TPST2: variants seen among roughly 807,000 people sequenced by gnomAD.
The protein encoded by TPST2 is protein-tyrosine sulfotransferase 2.
A neutral mutation model predicts 27.8 loss-of-function variants in TPST2; 16 were observed. That is an observed-to-expected ratio of 0.58 (90% CI 0.39 to 0.88). TPST2 has a LOEUF of 0.88. TPST2 is among the 40% of genes least tolerant of loss of function. The pLI is 0.00. For missense variants in TPST2, 464 were observed against 543.1 expected (o/e 0.85, Z 1.45); for synonymous variants, 229 against 231.7 (o/e 0.99, Z 0.10).
chr22:26,559,183 T>C (rs1467106467), intron 1 of TPST2, among the ~76,000 whole-genome samples: 1 of 152,200 alleles, frequency 6.6e-6, no homozygotes, highest in Non-Finnish European at 1.5e-5. Context: ...CTGGCCAACA[T>C]GGTGAAACCC....
chr22:26,588,053 G>A lies in TPST2; in HGVS notation c.-161+2000C>T, dbSNP rs186693523. 1.2e-3 allele frequency among the ~76,000 whole-genome samples: 181 copies of A among 152,124 alleles called. 3 individuals are homozygous for A. Among genetic ancestry groups the A allele is most frequent in the Non-Finnish European group, 2.5e-4 (17 of 68,000 alleles). ...AGAGAACTGAAAATGTATGTCCAAA[G>A]ACCTGTACATGAATGTTCATAGCAG... On this transcript the variant is annotated intron_variant, in intron 1 of 6. Transcript: ENST00000338754.
intron 5 of TPST2, among the ~76,000 whole-genome samples, chr22:26,530,989 A>G (rs5997099): frequency 0.032 from 4,940 of 152,222 alleles, 275 homozygotes; most frequent in African/African-American, 0.11. Context: ...AGCCTGGGCA[A>G]CAAGAGGAAA....
chr22:26,542,713 C>A (rs1220677964), intron 2 of TPST2, among the ~76,000 whole-genome samples: 1 of 152,080 alleles, frequency 6.6e-6, no homozygotes, highest in African/African-American at 2.4e-5. Flanking sequence ...AGAAGGGAAA[C>A]AAGGATGTTA....
intron 1 of TPST2, among the ~76,000 whole-genome samples, chr22:26,587,186 C>G (rs1054749573): frequency 6.6e-6 from 1 of 152,160 alleles, no homozygotes; most frequent in Admixed American, 6.5e-5. Context: ...GAGGGTCTCC[C>G]TGGCCTCCAC....
At position 26,533,388 on chromosome 22, in the gene TPST2, C is replaced by T. The variant is rs970142704; in HGVS notation, c.1042-643G>A. 3.9e-5 allele frequency among the ~76,000 whole-genome samples: 6 copies of T among 152,214 alleles called. No homozygotes were observed. The East Asian group carries it at 1.2e-3, about 29-fold the overall frequency. On this transcript the variant is annotated intron_variant, in intron 4 of 6. Coordinates refer to ENST00000338754, the MANE Select transcript of TPST2 (RefSeq NM_003595.5). ...TGAAGTATGATCACATCACTCCACT[C>T]TAGCCTGAGTGACAGAGCGAGACCC... is the stretch of plus-strand genomic sequence containing the variant.
At chr22:26,547,381 T>C (rs958581882) in intron 1 of TPST2, 1 of 152,194 alleles carries the variant, frequency 6.6e-6, no homozygotes, top group Non-Finnish European at 1.5e-5. Flanking sequence ...ATTTCAGGTG[T>C]GGGCCACTTC....
At chr22:26,527,796 A>G (rs1924921490) in intron 6 of TPST2, among the ~76,000 whole-genome samples, 1 of 152,264 alleles carries the variant, frequency 6.6e-6, no homozygotes, top group Admixed American at 6.5e-5. Flanking sequence ...TTCTTAGAAC[A>G]GAACGACTTG....
At chr22:26,550,705 A>G (rs1222785464) in intron 1 of TPST2, 1 of 968,958 alleles carries the variant, frequency 1.0e-6, no homozygotes, top group African/African-American at 1.8e-5. Flanking sequence ...GCTATTCCCA[A>G]CCCTACCAGA....
intron 1 of TPST2, among the ~76,000 whole-genome samples, chr22:26,566,508 G>A (rs1421608610): frequency 2.0e-5 from 3 of 151,814 alleles, no homozygotes; most frequent in Admixed American, 6.6e-5. Context: ...AGCTGAGATC[G>A]CGCCACTGAA....
At chr22:26,534,845 T>C (rs1925359571) in intron 4 of TPST2, among the ~76,000 whole-genome samples, 1 of 152,006 alleles carries the variant, frequency 6.6e-6, no homozygotes, top group African/African-American at 2.4e-5. Flanking sequence ...ATTACTATTA[T>C]TAAAGAATAA....
intron 1 of TPST2, among the ~76,000 whole-genome samples, chr22:26,566,363 C>T (rs1927379831): frequency 6.6e-6 from 1 of 151,946 alleles, no homozygotes; most frequent in African/African-American, 2.4e-5. Context: ...CCATCCTGGC[C>T]AACATAGTGA....
At chr22:26,564,378 C>G (rs1472013667) in intron 1 of TPST2, among the ~76,000 whole-genome samples, 3 of 152,238 alleles carry the variant, frequency 2.0e-5, no homozygotes, top group Non-Finnish European at 2.9e-5. Context: ...ACTGGCAAGG[C>G]TGCTGCTATG....
intron 1 of TPST2, among the ~76,000 whole-genome samples, chr22:26,586,437 A>G (rs1396077343): frequency 6.6e-6 from 1 of 152,002 alleles, no homozygotes; most frequent in Non-Finnish European, 1.5e-5. Flanking sequence ...TTTTGTAGAG[A>G]TGGAGTTTCA....
intron 5 of TPST2, 46 bp from the exon 6 acceptor site, chr22:26,528,308 G>C: frequency 1.9e-6 from 3 of 1,551,854 alleles, no homozygotes; most frequent in Non-Finnish European, 2.6e-6. Context: ...GCCAGGTGAG[G>C]GATGCCTTGC....
chr22:26,551,872 CTTTTCTTTTTCT>C (rs1165724559), intron 1 of TPST2, among the ~76,000 whole-genome samples: 207 of 120,048 alleles, frequency 1.7e-3, no homozygotes, highest in Middle Eastern at 4.2e-3. Context: ...TTTTCCTTTT[CTTTTCTTTTTCT>C]TTTTTTTTTT....
chr22:26,589,790 T>A (rs1928484539), intron 1 of TPST2, among the ~76,000 whole-genome samples: 1 of 151,886 alleles, frequency 6.6e-6, no homozygotes. Context: ...GGAAGCGTGG[T>A]AACGGGGGCC....
At chr22:26,581,034 ACACACACACACACACACACG>A (rs1170220571) in intron 1 of TPST2, among the ~76,000 whole-genome samples, 153 of 69,366 alleles carry the variant, frequency 2.2e-3, no homozygotes, top group African/African-American at 3.9e-3. Flanking sequence ...ACACACACAC[ACACACACACACACACACACG>A]CACACACACA....
chr22:26,545,890 G>T (rs575177937), intron 1 of TPST2, among the ~76,000 whole-genome samples: 30 of 152,090 alleles, frequency 2.0e-4, no homozygotes, highest in Middle Eastern at 6.8e-3. Context: ...GACCAGCCTG[G>T]GCAATATGGG....
chr22:26,577,953 C>T (rs191533615), intron 1 of TPST2, among the ~76,000 whole-genome samples: 3 of 151,968 alleles, frequency 2.0e-5, no homozygotes, highest in South Asian at 2.1e-4. Flanking sequence ...CATGCCTGGC[C>T]GAGTTTCATT....
Sources: allele counts gnomAD v4.1 joint callset (sites outside exome capture counted in the v4.1 genomes callset), GRCh38; gene constraint gnomAD v4.1.1; transcripts MANE v1.5; gene names NCBI Gene and HGNC (gene_info 2026-07-23, HGNC 2026-07-21).